The following SPECC1 variants were observed in gnomAD, a reference collection of about 807,000 sequenced individuals.
SPECC1 encodes cytospin-B.
Under a neutral mutation model 104.1 loss-of-function variants are expected in SPECC1, and 62 were observed. The observed-to-expected ratio is 0.60, with a 90% CI of 0.49 to 0.74. SPECC1 has a LOEUF of 0.74. Ranked by LOEUF, SPECC1 falls within the 30% of genes least tolerant of loss-of-function variation. The pLI is 0.00. For synonymous variants in SPECC1, 513 were observed against 501.6 expected (o/e 1.02, Z -0.30); for missense variants, 1,306 against 1,310.5 (o/e 1.00, Z 0.05).
At position 20,316,146 on chromosome 17, in the gene SPECC1, A is replaced by AT. The variant is rs1379859292; in HGVS notation, c.*2083dup. The AT allele has an allele frequency of 4.3e-6, 1 of 231,456 alleles. No homozygotes were observed. The highest frequency in any genetic ancestry group is 8.5e-6 in the Non-Finnish European group (1 of 117,000). The allele number at this position is 231,456 out of a possible 1,614,324, so 14.3% of individuals were successfully genotyped here. ...AACCTGAAAGTTACTACTTCTGCTG[A>AT]TTCAGGCACTTGTTTGAAGCATTTT... On this transcript the variant is annotated 3_prime_UTR_variant, in exon 15 of 15. Transcript: ENST00000395527.
intron 1 of SPECC1, among the ~76,000 whole-genome samples, chr17:20,082,994 GTTCGTTCGTTCA>G (rs1381662281): frequency 4.1e-5 from 5 of 121,930 alleles, no homozygotes; most frequent in Admixed American, 8.8e-5. Context: ...TCGTTCGTTC[GTTCGTTCGTTCA>G]TTCATCCATC....
rs145423161 is a variant in SPECC1 at position 20,047,034 on chromosome 17, A to T, written c.-22+37610A>T. On this transcript the variant is annotated intron_variant, in intron 1 of 14. Transcript: ENST00000395527. ...AAAGCCGGGCGAGAGATGTTGGTAGATGGGACCAGACTGATTTGAAGCTAT... is the reference window on the plus strand; with the variant it reads ...AAAGCCGGGCGAGAGATGTTGGTAGTTGGGACCAGACTGATTTGAAGCTAT... Among the ~76,000 whole-genome samples, 231 of 152,260 alleles carry T rather than the reference A, an allele frequency of 1.5e-3. 2 individuals are homozygous for T. Among genetic ancestry groups the T allele is most frequent in the African/African-American group, 5.2e-3 (217 of 41,544 alleles).
chr17:20,064,870 C>T (rs989856718), intron 1 of SPECC1, among the ~76,000 whole-genome samples: 1 of 152,140 alleles, frequency 6.6e-6, no homozygotes, highest in Non-Finnish European at 1.5e-5. Flanking sequence ...TTACTTCTCC[C>T]TGTGTACTTT....
intron 3 of SPECC1, among the ~76,000 whole-genome samples, chr17:20,147,120 G>A (rs893596443): frequency 2.7e-5 from 3 of 112,574 alleles, no homozygotes; most frequent in Non-Finnish European, 5.4e-5. Context: ...TTTCGCTCTT[G>A]TTTCCCAGGC....
intron 1 of SPECC1, among the ~76,000 whole-genome samples, chr17:20,080,092 T>C (rs1215301524): frequency 1.3e-5 from 2 of 152,222 alleles, no homozygotes; most frequent in South Asian, 2.1e-4. Flanking sequence ...ACATTATTAA[T>C]GTATCTTGAA....
intron 12 of SPECC1, among the ~76,000 whole-genome samples, chr17:20,285,852 A>C (rs1598142424): frequency 2.3e-5 from 3 of 128,606 alleles, no homozygotes; most frequent in Admixed American, 9.3e-5. Context: ...TCGCTCTACC[A>C]CCCAGGTTGG....
intron 3 of SPECC1, among the ~76,000 whole-genome samples, chr17:20,148,521 A>G (rs1045265603): frequency 8.7e-5 from 13 of 148,930 alleles, no homozygotes; most frequent in Non-Finnish European, 1.9e-4. Context: ...ACTCAAAAGC[A>G]AAAAGCAGTA....
chr17:20,273,957 C>G (rs984791408), intron 12 of SPECC1, among the ~76,000 whole-genome samples: 7 of 152,320 alleles, frequency 4.6e-5, no homozygotes, highest in Admixed American at 3.9e-4. Flanking sequence ...ATTGTGAATG[C>G]ATGCGTTTCA....
intron 3 of SPECC1, among the ~76,000 whole-genome samples, chr17:20,151,869 T>C (rs1443296536): frequency 2.6e-5 from 4 of 151,882 alleles, no homozygotes; most frequent in African/African-American, 7.3e-5. Context: ...ACCAACATGG[T>C]GAAACCCTGT....
At position 20,315,113 on chromosome 17, in the gene SPECC1, G is replaced by GTGT. The variant is rs1299145688; in HGVS notation, c.*1049_*1051dup. ...AGGAGGTCACATGTGTGAATGGCCTGTGTCTGCTTTACAGGGTTGAGCAGG... is the reference window on the plus strand; with the variant it reads ...AGGAGGTCACATGTGTGAATGGCCTGTGTTGTCTGCTTTACAGGGTTGAGCAGG... On this transcript the variant is annotated 3_prime_UTR_variant, in exon 15 of 15. Transcript: ENST00000395527. The GTGT allele has an allele frequency of 4.3e-6, 1 of 233,048 alleles. No homozygotes were observed. The highest frequency in any genetic ancestry group is 2.2e-5 in the African/African-American group (1 of 45,346). The allele number at this position is 233,048 out of a possible 1,614,324, so 14.4% of individuals were successfully genotyped here.
At chr17:20,299,196 G>A (rs775709047) in intron 13 of SPECC1, among the ~76,000 whole-genome samples, 1 of 151,816 alleles carries the variant, frequency 6.6e-6, no homozygotes, top group Non-Finnish European at 1.5e-5. Context: ...GCCTTCACCT[G>A]ATTAGATGAG....
chr17:20,062,271 A>T (rs1483274085), intron 1 of SPECC1, among the ~76,000 whole-genome samples: 2 of 151,860 alleles, frequency 1.3e-5, no homozygotes, highest in African/African-American at 2.4e-5. Context: ...AAAAAAAAAA[A>T]ATTTTGTTCT....
intron 4 of SPECC1, among the ~76,000 whole-genome samples, chr17:20,214,822 G>C (rs1348476953): frequency 6.6e-6 from 1 of 152,156 alleles, no homozygotes; most frequent in East Asian, 1.9e-4. Context: ...AAGACATTTA[G>C]ATGTTAGATG....
At chr17:20,153,190 TAGC>T (rs1167762787) in intron 3 of SPECC1, among the ~76,000 whole-genome samples, 1 of 152,174 alleles carries the variant, frequency 6.6e-6, no homozygotes, top group African/African-American at 2.4e-5. Context: ...CGACGGAATA[TAGC>T]AGATATGAAA....
chr17:20,130,847 A>T (rs1448774827), intron 3 of SPECC1, among the ~76,000 whole-genome samples: 1 of 152,230 alleles, frequency 6.6e-6, no homozygotes, highest in East Asian at 1.9e-4. Context: ...GAATCTCCTA[A>T]TCCATAAACA....
intron 3 of SPECC1, among the ~76,000 whole-genome samples, chr17:20,169,915 A>G (rs1199605234): frequency 1.3e-5 from 2 of 152,224 alleles, no homozygotes; most frequent in Admixed American, 6.5e-5. Context: ...TATTTTACTT[A>G]CAAAAATTTT....
chr17:20,198,811 A>G (rs899550958), intron 3 of SPECC1, among the ~76,000 whole-genome samples: 1 of 152,224 alleles, frequency 6.6e-6, no homozygotes, highest in African/African-American at 2.4e-5. Context: ...TTCCTGTAAT[A>G]GAGCCACTGC....
intron 3 of SPECC1, chr17:20,111,706 C>T (rs1272127523): frequency 9.8e-6 from 6 of 611,660 alleles, no homozygotes; most frequent in Non-Finnish European, 1.2e-5. Flanking sequence ...AGGAAGGTGG[C>T]GAAAGGAGGC....
Position 20,246,142 on chromosome 17 carries a change from A to G in SPECC1, c.2497+71A>G, listed in dbSNP as rs565071502. 2.4e-5 allele frequency: 38 copies of G among 1,564,412 alleles called. No homozygotes were observed. The South Asian group carries it at 3.2e-4, about 13-fold the overall frequency. ...TGGCCCGACATTTGATATGTCTACT[A>G]TCTCTACTCCACCCTGGCCCTGTGT... On this transcript the variant is annotated intron_variant, in intron 8 of 14. Coordinates refer to ENST00000395527, the MANE Select transcript of SPECC1 (RefSeq NM_001243439.2).
Sources: gnomAD v4.1 joint callset for allele counts (sites outside exome capture counted in the v4.1 genomes callset) on GRCh38, gnomAD v4.1.1 for gene constraint, MANE v1.5 for transcripts, NCBI Gene and HGNC (gene_info 2026-07-23, HGNC 2026-07-21) for gene names.